Variants in FAM163A observed in about 807,000 individuals in gnomAD.
The protein encoded by FAM163A is family with sequence similarity 163 member A.
FAM163A carries 7 observed loss-of-function variants against 12.0 expected under a neutral mutation model. The ratio of observed to expected loss-of-function variants is 0.58; its 90% CI spans 0.33 to 1.10. FAM163A has a LOEUF of 1.10. Ranked by LOEUF, FAM163A falls within the 50% of genes least tolerant of loss-of-function variation. The pLI is 0.03. For missense variants in FAM163A, 202 were observed against 218.6 expected, an observed-to-expected ratio of 0.92 and a Z score of 0.48; for synonymous variants, 101 against 91.0, an observed-to-expected ratio of 1.11 and a Z score of -0.62.
chr1:179,759,420 A>C (rs540409733), intron 1 of FAM163A, among the ~76,000 whole-genome samples: 1 of 152,276 alleles, frequency 6.6e-6, no homozygotes, highest in South Asian at 2.1e-4. Flanking sequence ...GAATGAAGGG[A>C]GACTGACTTT....
chr1:179,807,174 A>C (rs1025484513), intron 1 of FAM163A, among the ~76,000 whole-genome samples: 3 of 151,922 alleles, frequency 2.0e-5, no homozygotes, highest in South Asian at 4.2e-4. Context: ...AGAGACCCCC[A>C]AAAATTAGCC....
chr1:179,777,071 G>A (rs12123906), intron 1 of FAM163A, among the ~76,000 whole-genome samples: 1 of 152,306 alleles, frequency 6.6e-6, no homozygotes, highest in East Asian at 1.9e-4. Context: ...TCATGACTGA[G>A]TAGCATCGGA....
At chr1:179,731,434 G>A in the FAM163A span, among the ~76,000 whole-genome samples, 21 of 152,288 alleles carry the variant, frequency 1.4e-4, no homozygotes, top group Middle Eastern at 3.4e-3. Flanking sequence ...AGGATTTAGC[G>A]TTCTTCTCTA....
chr1:179,752,003 G>A (rs796204329), intron 1 of FAM163A, among the ~76,000 whole-genome samples: 8 of 152,118 alleles, frequency 5.3e-5, no homozygotes, highest in African/African-American at 1.9e-4. Flanking sequence ...CCAAAATCTT[G>A]AAAAAGAAGG....
At chr1:179,797,491 T>C (rs1489692530) in intron 1 of FAM163A, among the ~76,000 whole-genome samples, 2 of 152,076 alleles carry the variant, frequency 1.3e-5, no homozygotes, top group Non-Finnish European at 2.9e-5. Context: ...ACAGGCGGCA[T>C]AAGTTCAAGA....
At chr1:179,757,237 CG>C in intron 1 of FAM163A, among the ~76,000 whole-genome samples, 1 of 152,084 alleles carries the variant, frequency 6.6e-6, no homozygotes, top group South Asian at 2.1e-4. Flanking sequence ...GTCCTTGGAC[CG>C]AAAGGTAGAG....
the FAM163A span, among the ~76,000 whole-genome samples, chr1:179,731,958 C>G: frequency 6.6e-6 from 1 of 152,198 alleles, no homozygotes; most frequent in African/African-American, 2.4e-5. Flanking sequence ...GCTATATACT[C>G]TATCCCCATG....
chr1:179,733,173 T>C, the FAM163A span, among the ~76,000 whole-genome samples: 2 of 152,172 alleles, frequency 1.3e-5, no homozygotes, highest in African/African-American at 4.8e-5. Context: ...CCCCCACATG[T>C]ACAACCTTAA....
In FAM163A at chr1:179,814,832, T is replaced by C. The variant is rs1695159160; in HGVS notation, c.*643T>C. The C allele has an allele frequency of 1.3e-5, 2 of 152,420 alleles. No homozygotes were observed. The highest frequency in any genetic ancestry group is 4.1e-4 in the South Asian group (2 of 4,828). The allele number at this position is 152,420 out of a possible 1,614,324, so 9.4% of individuals were successfully genotyped here. ...CACATCTCACCTGCCCCCTTCCTCGTGGGACGTGTCAAGTTGACTTTAAAG... is the reference window on the plus strand; with the variant it reads ...CACATCTCACCTGCCCCCTTCCTCGCGGGACGTGTCAAGTTGACTTTAAAG... On this transcript the variant is annotated 3_prime_UTR_variant, in exon 5 of 5. Transcript: ENST00000341785.
the FAM163A span, among the ~76,000 whole-genome samples, chr1:179,735,184 T>G: frequency 1.3e-5 from 2 of 152,196 alleles, no homozygotes; most frequent in Non-Finnish European, 2.9e-5. Context: ...ATTTTGTTTC[T>G]GAAAAAGGTA....
chr1:179,811,684 C>T (rs192771991), intron 2 of FAM163A, among the ~76,000 whole-genome samples: 81 of 152,272 alleles, frequency 5.3e-4, no homozygotes, highest in South Asian at 1.2e-3. Flanking sequence ...AAAGGCACCC[C>T]CTTTTACCTG....
intron 1 of FAM163A, among the ~76,000 whole-genome samples, chr1:179,763,594 C>A (rs1213456302): frequency 1.3e-5 from 2 of 152,188 alleles, no homozygotes; most frequent in African/African-American, 4.8e-5. Flanking sequence ...ATGTGTAATT[C>A]TTTAATCAGA....
chr1:179,735,746 G>A, the FAM163A span, among the ~76,000 whole-genome samples: 1 of 151,958 alleles, frequency 6.6e-6, no homozygotes, highest in Non-Finnish European at 1.5e-5. Flanking sequence ...CTCGTGATCA[G>A]CCCACCTCGG....
upstream of FAM163A, among the ~76,000 whole-genome samples, chr1:179,739,243 T>G (rs1324316747): frequency 1.3e-5 from 2 of 152,108 alleles, no homozygotes; most frequent in Non-Finnish European, 2.9e-5. Context: ...CCTTTGGGGT[T>G]TAGGGCTAGC....
chr1:179,782,271 G>T (rs1464469207), intron 1 of FAM163A, among the ~76,000 whole-genome samples: 2 of 152,024 alleles, frequency 1.3e-5, no homozygotes, highest in African/African-American at 4.8e-5. Flanking sequence ...GGGCAGCAGT[G>T]GGCTTAATTT....
the FAM163A span, among the ~76,000 whole-genome samples, chr1:179,734,596 G>T: frequency 6.6e-6 from 1 of 152,260 alleles, no homozygotes; most frequent in African/African-American, 2.4e-5. Flanking sequence ...GTGTCCTCAC[G>T]TGCTGGATGG....
In FAM163A at chr1:179,815,105, GCGCGCACAGACACACA is replaced by G. The variant is rs1265415699; in HGVS notation, c.*918_*933del. 115 of 85,292 alleles carry G rather than the reference GCGCGCACAGACACACA, an allele frequency of 1.3e-3. 1 individual carries two copies. Among genetic ancestry groups the G allele is most frequent in the African/African-American group, 4.0e-3 (80 of 20,252 alleles). The allele number at this position is 85,292 out of a possible 1,614,324, so 5.3% of individuals were successfully genotyped here. On this transcript the variant is annotated 3_prime_UTR_variant, in exon 5 of 5. Transcript: ENST00000341785. ...TTCCCAGGTGTACGCACGCGCGCGCGCGCGCACAGACACACACACACACACACACACACACACACAC... is the reference window on the plus strand; with the variant it reads ...TTCCCAGGTGTACGCACGCGCGCGCGCACACACACACACACACACACACAC...
the FAM163A span, among the ~76,000 whole-genome samples, chr1:179,729,134 C>T: frequency 5.9e-5 from 9 of 152,098 alleles, no homozygotes; most frequent in African/African-American, 2.2e-4. Flanking sequence ...CAAAGTCTTC[C>T]CTTGTTGTTT....
intron 1 of FAM163A, among the ~76,000 whole-genome samples, chr1:179,773,121 A>G (rs1688491520): frequency 1.3e-5 from 2 of 151,504 alleles, no homozygotes; most frequent in African/African-American, 4.9e-5. Context: ...AATTTTACAT[A>G]TAGCACTGTA....
Sources: allele counts gnomAD v4.1 joint callset (sites outside exome capture counted in the v4.1 genomes callset), GRCh38; gene constraint gnomAD v4.1.1; transcripts MANE v1.5; gene names NCBI Gene and HGNC (gene_info 2026-07-23, HGNC 2026-07-21).